The following ITPR2 variants were observed in gnomAD, a reference collection of about 807,000 sequenced individuals.
ITPR2 encodes inositol 1,4,5-trisphosphate-gated calcium channel ITPR2.
In ITPR2, 207 loss-of-function variants were observed where a neutral mutation model predicts 317.1. The observed-to-expected ratio is 0.65, with a 90% CI of 0.58 to 0.73. The LOEUF (loss-of-function observed/expected upper bound fraction) is 0.73, where lower values mean the gene tolerates loss of function less well. ITPR2 is among the 30% of genes least tolerant of loss of function. The pLI is 0.00. For missense variants in ITPR2, 2,613 were observed against 3,284.0 expected, an observed-to-expected ratio of 0.80 and a Z score of 4.99; for synonymous variants, 1,156 against 1,149.1, an observed-to-expected ratio of 1.01 and a Z score of -0.12.
chr12:26,740,858 A>G (rs2137081801), intron 2 of ITPR2, among the ~76,000 whole-genome samples: 1 of 152,322 alleles, frequency 6.6e-6, no homozygotes, highest in Middle Eastern at 3.4e-3. Flanking sequence ...TTAGAGGGAA[A>G]AGTATCAAAT....
intron 2 of ITPR2, among the ~76,000 whole-genome samples, chr12:26,749,055 G>A (rs1306354021): frequency 2.0e-5 from 3 of 147,826 alleles, no homozygotes; most frequent in Non-Finnish European, 4.6e-5. Context: ...ATTTGACTAC[G>A]TGATATCAGG....
At chr12:26,826,181 G>T (rs187253279) in intron 1 of ITPR2, among the ~76,000 whole-genome samples, 3 of 151,714 alleles carry the variant, frequency 2.0e-5, no homozygotes, top group African/African-American at 7.3e-5. Context: ...TGGAGGGATC[G>T]CTTGAGCCCA....
At chr12:26,722,582 C>A in intron 4 of ITPR2, 27 bp from the exon 5 acceptor site, 1 of 1,552,762 alleles carries the variant, frequency 6.4e-7, no homozygotes, top group Non-Finnish European at 8.8e-7. Context: ...TAGATTACCA[C>A]CTTTATTCTT....
intron 55 of ITPR2, among the ~76,000 whole-genome samples, chr12:26,363,515 C>T (rs1938908339): frequency 6.6e-6 from 1 of 152,108 alleles, no homozygotes; most frequent in East Asian, 1.9e-4. Flanking sequence ...GTCACTGGTG[C>T]CAAAAAGGTT....
At chr12:26,400,283 G>A in intron 52 of ITPR2, 25 bp from the exon 53 acceptor site, 1 of 1,362,076 alleles carries the variant, frequency 7.3e-7, no homozygotes, top group Non-Finnish European at 9.8e-7. Flanking sequence ...ACAAATATAT[G>A]ATATAAAATT....
chr12:26,487,230 GCAA>G lies in ITPR2; in HGVS notation c.5389_5391del (p.Leu1797del), dbSNP rs1942692186. 6.2e-7 allele frequency: 1 copy of G among 1,600,792 alleles called. No homozygotes were observed. Among genetic ancestry groups the G allele is most frequent in the Non-Finnish European group, 8.5e-7 (1 of 1,176,104 alleles). Reference sequence around the variant, plus strand: ...AATTTTTCTGACTTTTTTTGTTCATGCAACTGCTGGTAGAAAGAATACTGCAAG... The same window carrying G: ...AATTTTTCTGACTTTTTTTGTTCATGCTGCTGGTAGAAAGAATACTGCAAG... On this transcript the variant is annotated inframe_deletion, in exon 40 of 57. Coordinates refer to ENST00000381340, the MANE Select transcript of ITPR2 (RefSeq NM_002223.4).
intron 14 of ITPR2, among the ~76,000 whole-genome samples, chr12:26,665,645 C>T (rs1318853867): frequency 2.0e-5 from 3 of 152,156 alleles, no homozygotes; most frequent in Non-Finnish European, 4.4e-5. Flanking sequence ...GAAGGCAAGT[C>T]CTCTCTCAGT....
intron 9 of ITPR2, among the ~76,000 whole-genome samples, chr12:26,696,259 ACT>A (rs1948348514): frequency 6.6e-6 from 1 of 151,478 alleles, no homozygotes; most frequent in South Asian, 2.1e-4. Flanking sequence ...GAAATCCATG[ACT>A]CCTCACTCCC....
chr12:26,557,036 A>G (rs61920319), intron 35 of ITPR2, among the ~76,000 whole-genome samples: 23,089 of 151,860 alleles, frequency 0.15, 2,408 homozygotes, highest in Non-Finnish European at 0.23. Context: ...GCAATATAGC[A>G]CCATTGCACT....
chr12:26,655,922 TA>T, intron 19 of ITPR2, 70 bp from the exon 20 acceptor site: 2 of 1,440,208 alleles, frequency 1.4e-6, no homozygotes, highest in East Asian at 2.3e-5. Flanking sequence ...AAAACACACG[TA>T]GTTTCCTGGG....
At chr12:26,668,862 T>C (rs149142883) in intron 13 of ITPR2, among the ~76,000 whole-genome samples, 3 of 152,194 alleles carry the variant, frequency 2.0e-5, no homozygotes, top group African/African-American at 7.2e-5. Flanking sequence ...GGCTCATGCC[T>C]GTAATCCCAG....
At chr12:26,598,201 T>C (rs1186371037) in intron 30 of ITPR2, among the ~76,000 whole-genome samples, 2 of 152,140 alleles carry the variant, frequency 1.3e-5, no homozygotes, top group African/African-American at 4.8e-5. Context: ...AAAAGGTGCA[T>C]TTTACAAGCT....
chr12:26,828,925 C>A (rs1426835170), intron 1 of ITPR2, among the ~76,000 whole-genome samples: 1 of 152,182 alleles, frequency 6.6e-6, no homozygotes, highest in African/African-American at 2.4e-5. Flanking sequence ...ACAAGAGCCA[C>A]ATAGTTTTGT....
chr12:26,422,892 T>C (rs1265054136), intron 49 of ITPR2, among the ~76,000 whole-genome samples: 2 of 152,184 alleles, frequency 1.3e-5, no homozygotes, highest in African/African-American at 2.4e-5. Context: ...TAAGTTAAAC[T>C]TCTTACTAAA....
At chr12:26,602,917 G>A (rs1437491008) in intron 26 of ITPR2, among the ~76,000 whole-genome samples, 1 of 152,152 alleles carries the variant, frequency 6.6e-6, no homozygotes, top group Non-Finnish European at 1.5e-5. Context: ...AGAACCCAAT[G>A]ACAAGTTAAC....
At chr12:26,639,934 T>C (rs1946947859) in intron 21 of ITPR2, among the ~76,000 whole-genome samples, 1 of 152,152 alleles carries the variant, frequency 6.6e-6, no homozygotes, top group Admixed American at 6.5e-5. Flanking sequence ...TAAACATACA[T>C]GTGCATGTGT....
intron 40 of ITPR2, 53 bp from the exon 41 acceptor site, chr12:26,486,413 T>TAAA (rs36049222): frequency 1.5e-3 from 1,422 of 968,418 alleles, no homozygotes; most frequent in South Asian, 1.9e-3. Context: ...TTTTACTAAT[T>TAAA]AAAAAAAAAA....
intron 8 of ITPR2, among the ~76,000 whole-genome samples, chr12:26,712,075 G>T (rs1377924400): frequency 1.3e-5 from 2 of 152,138 alleles, no homozygotes; most frequent in Non-Finnish European, 2.9e-5. Flanking sequence ...AGAAAAGCTC[G>T]GGTTTTACAC....
At chr12:26,599,450 G>A (rs1945938500) in intron 29 of ITPR2, 105 bp from the exon 30 acceptor site, 3 of 999,670 alleles carry the variant, frequency 3.0e-6, no homozygotes, top group South Asian at 1.5e-5. Context: ...TATTTTATAC[G>A]AAGCCACAGT....
Sources: gnomAD v4.1 joint callset for allele counts (sites outside exome capture counted in the v4.1 genomes callset) on GRCh38, gnomAD v4.1.1 for gene constraint, MANE v1.5 for transcripts, NCBI Gene and HGNC (gene_info 2026-07-23, HGNC 2026-07-21) for gene names.